Variants in KLF12 observed in about 807,000 individuals in gnomAD.
The protein encoded by KLF12 is KLF transcription factor 12.
A neutral mutation model predicts 37.8 loss-of-function variants in KLF12; 9 were observed. The ratio of observed to expected loss-of-function variants is 0.24; its 90% CI spans 0.14 to 0.42. The LOEUF (loss-of-function observed/expected upper bound fraction) is 0.42, where lower values mean the gene tolerates loss of function less well. Ranked by LOEUF, KLF12 falls within the 10% of genes least tolerant of loss-of-function variation. KLF12 has a pLI of 1.00. For synonymous variants in KLF12, 208 were observed against 202.1 expected, an observed-to-expected ratio of 1.03 and a Z score of -0.25; for missense variants, 411 against 516.0, an observed-to-expected ratio of 0.80 and a Z score of 1.97.
intron 2 of KLF12, among the ~76,000 whole-genome samples, chr13:73,983,356 A>G (rs1354134678): frequency 6.6e-6 from 1 of 152,212 alleles, no homozygotes. Flanking sequence ...TAGTGATGTC[A>G]GCACGGACCT....
chr13:74,299,202 A>T, the KLF12 span, among the ~76,000 whole-genome samples: 1 of 152,160 alleles, frequency 6.6e-6, no homozygotes, highest in Non-Finnish European at 1.5e-5. Flanking sequence ...GTGAATGAGA[A>T]AGAGCGGGGA....
chr13:73,888,461 G>C (rs1314685970), intron 3 of KLF12, among the ~76,000 whole-genome samples: 1 of 152,108 alleles, frequency 6.6e-6, no homozygotes, highest in Non-Finnish European at 1.5e-5. Context: ...GCTATTTAGA[G>C]CACTAAAGAC....
the KLF12 span, among the ~76,000 whole-genome samples, chr13:74,299,579 G>A: frequency 2.0e-4 from 30 of 152,170 alleles, no homozygotes; most frequent in African/African-American, 7.2e-4. Context: ...TGGAATTCAG[G>A]TTTCTTTACA....
the KLF12 span, among the ~76,000 whole-genome samples, chr13:74,284,510 G>A: frequency 6.6e-6 from 1 of 152,174 alleles, no homozygotes; most frequent in Non-Finnish European, 1.5e-5. Context: ...ACTCTGCTAA[G>A]GTGATCCCTC....
rs1370225278 is a variant in KLF12 at position 73,874,258 on chromosome 13, TAGAC to T, written c.124-27889_124-27886del. On this transcript the variant is annotated intron_variant, in intron 3 of 7. Coordinates refer to ENST00000377669, the MANE Select transcript of KLF12 (RefSeq NM_007249.5). ...GATATATTGCTTTTTATGGAGAAAA[TAGAC>T]AGTTCTACATAGGTAAATCATTTGC... Among the ~76,000 whole-genome samples the T allele has an allele frequency of 2.0e-5, 3 of 152,254 alleles. No homozygotes were observed. The East Asian group carries it at 5.8e-4, about 29-fold the overall frequency.
At chr13:73,919,575 C>G (rs1566459653) in intron 3 of KLF12, among the ~76,000 whole-genome samples, 1 of 152,132 alleles carries the variant, frequency 6.6e-6, no homozygotes, top group Non-Finnish European at 1.5e-5. Flanking sequence ...TTAAAATTGG[C>G]TACATCACTG....
At chr13:74,001,246 G>C (rs1892273738) in intron 1 of KLF12, among the ~76,000 whole-genome samples, 1 of 152,202 alleles carries the variant, frequency 6.6e-6, no homozygotes. Flanking sequence ...GAGGCTGGTG[G>C]AAGGAAGGGA....
intron 6 of KLF12, among the ~76,000 whole-genome samples, chr13:73,746,568 G>C (rs1458583011): frequency 6.6e-6 from 1 of 151,940 alleles, no homozygotes. Flanking sequence ...GCTCCTTTTA[G>C]ATACCTTTAT....
chr13:74,151,660 A>AAATAAATAAATAAATG, the KLF12 span, among the ~76,000 whole-genome samples: 6,007 of 152,012 alleles, frequency 0.04, 159 homozygotes, highest in Middle Eastern at 0.099. Flanking sequence ...CTCAATAAAT[A>AAATAAATAAATAAATG]AATAAATAAA....
intron 7 of KLF12, among the ~76,000 whole-genome samples, chr13:73,710,463 A>G (rs1044457167): frequency 2.2e-5 from 3 of 136,300 alleles, no homozygotes; most frequent in Admixed American, 2.2e-4. Context: ...AGGCAAGTTT[A>G]CTGGCGCCAT....
At position 73,789,385 on chromosome 13, in the gene KLF12, G is replaced by A. The variant is rs1378802860; in HGVS notation, c.806+23767C>T. On this transcript the variant is annotated intron_variant, in intron 5 of 7. Transcript: ENST00000377669. ...TTTTTGGGACTTGTTGGGTGTCACA[G>A]TAGCGCTAGTCAGAGAGAAATAAGC... is the stretch of plus-strand genomic sequence containing the variant. Among the ~76,000 whole-genome samples the A allele has an allele frequency of 7.9e-5, 12 of 152,286 alleles. No homozygotes were observed. In the East Asian group the frequency reaches 2.1e-3, roughly 27 times the overall value.
At chr13:74,036,127 C>A (rs941123086) in intron 1 of KLF12, among the ~76,000 whole-genome samples, 2 of 152,186 alleles carry the variant, frequency 1.3e-5, no homozygotes, top group African/African-American at 4.8e-5. Context: ...TGTGAACCAT[C>A]TGACACCACC....
intron 3 of KLF12, among the ~76,000 whole-genome samples, chr13:73,923,810 C>T (rs1205922264): frequency 6.6e-6 from 1 of 152,226 alleles, no homozygotes; most frequent in Non-Finnish European, 1.5e-5. Flanking sequence ...GGATATTTTA[C>T]AGTCATAGTC....
At position 73,998,890 on chromosome 13, in the gene KLF12, G is replaced by T. The variant is rs78443086; in HGVS notation, c.-31-3837C>A. Among the ~76,000 whole-genome samples, 922 of 152,318 alleles carry T rather than the reference G, an allele frequency of 6.1e-3. 4 individuals carry two copies. The highest frequency in any genetic ancestry group is 9.6e-3 in the Non-Finnish European group (652 of 68,032). On this transcript the variant is annotated intron_variant, in intron 1 of 7. Coordinates refer to ENST00000377669, the MANE Select transcript of KLF12 (RefSeq NM_007249.5). The stretch of plus-strand genomic sequence containing the variant: ...TTTCATAGCTATTTTGACTAAAAAT[G>T]AAAAGTAGCTAAAGACACAAAGAAG...
intron 1 of KLF12, among the ~76,000 whole-genome samples, chr13:74,123,435 G>C (rs909861929): frequency 1.3e-5 from 2 of 152,224 alleles, no homozygotes; most frequent in Non-Finnish European, 2.9e-5. Flanking sequence ...GCTTGGGCTT[G>C]CCTTTCGGCT....
At chr13:74,157,122 GAT>G in the KLF12 span, among the ~76,000 whole-genome samples, 1 of 152,162 alleles carries the variant, frequency 6.6e-6, no homozygotes, top group Non-Finnish European at 1.5e-5. Flanking sequence ...AACGAATAAA[GAT>G]ATAAACATTT....
chr13:73,813,156 G>T lies in KLF12; in HGVS notation c.802C>A (p.Gln268Lys). 2 of 1,613,752 alleles carry T rather than the reference G, an allele frequency of 1.2e-6. No individual in the cohort carries two copies. The highest frequency in any genetic ancestry group is 1.7e-6 in the Non-Finnish European group (2 of 1,179,852). Residue 268 changes from glutamine (Q) to lysine (K), a missense_variant, in exon 5 of 8, where the codon CAA becomes AAA. Gln to Lys is a moderately conservative substitution (Grantham distance 53). Transcript: ENST00000377669. ...TCCTGTGAATGTGATACTTACTCTT[G>T]TACTGCTCTGGCTATGGAAAGGGCC... is the stretch of plus-strand genomic sequence containing the variant.
intron 5 of KLF12, among the ~76,000 whole-genome samples, chr13:73,768,506 A>G (rs1355447524): frequency 6.6e-6 from 1 of 152,140 alleles, no homozygotes; most frequent in African/African-American, 2.4e-5. Context: ...AGAATAATAC[A>G]AACCAAAAAC....
chr13:74,015,956 A>G (rs1169489308), intron 1 of KLF12, among the ~76,000 whole-genome samples: 1 of 152,184 alleles, frequency 6.6e-6, no homozygotes, highest in East Asian at 1.9e-4. Context: ...CATTAGAGAT[A>G]TGGACATAAA....
Sources: allele counts gnomAD v4.1 joint callset (sites outside exome capture counted in the v4.1 genomes callset), GRCh38; gene constraint gnomAD v4.1.1; transcripts MANE v1.5; gene names NCBI Gene and HGNC (gene_info 2026-07-23, HGNC 2026-07-21).